ZNF385D: variants seen among roughly 807,000 people sequenced by gnomAD.
ZNF385D encodes the protein zinc finger protein 385D.
In ZNF385D, 15 loss-of-function variants were observed where a neutral mutation model predicts 35.8. The observed-to-expected ratio is 0.42, with a 90% CI of 0.28 to 0.64. ZNF385D has a LOEUF of 0.64. Ranked by LOEUF, ZNF385D falls within the 30% of genes least tolerant of loss-of-function variation. The probability of loss-of-function intolerance (pLI) is 0.23; values close to 1 mark genes in which losing one functional copy is unlikely to be tolerated. For missense variants in ZNF385D, 474 were observed against 494.6 expected (o/e 0.96, Z 0.39); for synonymous variants, 212 against 186.8 (o/e 1.13, Z -1.10).
chr3:22,304,409 A>T (rs1363635773), intron 2 of ZNF385D, among the ~76,000 whole-genome samples: 1 of 152,110 alleles, frequency 6.6e-6, no homozygotes, highest in African/African-American at 2.4e-5. Flanking sequence ...TGCAAATTTT[A>T]TTTTTTGCTA....
intron 2 of ZNF385D, among the ~76,000 whole-genome samples, chr3:21,651,992 GAAC>G (rs1239880705): frequency 6.6e-6 from 1 of 152,126 alleles, no homozygotes; most frequent in Non-Finnish European, 1.5e-5. Flanking sequence ...ATGCCAGTTA[GAAC>G]ATCATCTCAA....
At chr3:22,000,410 T>C (rs1011881206) in intron 3 of ZNF385D, among the ~76,000 whole-genome samples, 1 of 152,120 alleles carries the variant, frequency 6.6e-6, no homozygotes, top group Non-Finnish European at 1.5e-5. Context: ...AGTTTACAAA[T>C]GCCATGGCAA....
rs535124236 is a variant in ZNF385D, at chr3:22,082,252, G to A, written c.325+86565C>T. On this transcript the variant is annotated intron_variant, in intron 3 of 5. Coordinates refer to the ZNF385D transcript ENST00000494108. ...GTGAGCTGAAGCAGGGCAGGGCATC[G>A]CCTCACCCAGTAAGTGCAAGGGGTC... is the stretch of plus-strand genomic sequence containing the variant. Among the ~76,000 whole-genome samples the A allele has an allele frequency of 6.4e-4, 97 of 152,170 alleles. 1 individual carries two copies. The highest frequency in any genetic ancestry group is 2.1e-3 in the African/African-American group (87 of 41,534).
At chr3:21,764,597 G>T (rs1272042994) in intron 3 of ZNF385D, among the ~76,000 whole-genome samples, 1 of 152,130 alleles carries the variant, frequency 6.6e-6, no homozygotes, top group Non-Finnish European at 1.5e-5. Flanking sequence ...TGTCTAGTTG[G>T]AAATCACCAA....
At chr3:22,151,625 T>G (rs752818127) in intron 3 of ZNF385D, among the ~76,000 whole-genome samples, 1 of 152,114 alleles carries the variant, frequency 6.6e-6, no homozygotes, top group Non-Finnish European at 1.5e-5. Flanking sequence ...CAGTGTTTGC[T>G]CTATTAAGGA....
intron 1 of ZNF385D, among the ~76,000 whole-genome samples, chr3:21,704,516 A>G (rs193081297): frequency 6.6e-6 from 1 of 151,620 alleles, no homozygotes; most frequent in Admixed American, 6.6e-5. Context: ...TATTTTATTT[A>G]TTTATTTATT....
chr3:22,205,087 C>T (rs1191960267), intron 2 of ZNF385D, among the ~76,000 whole-genome samples: 8 of 150,676 alleles, frequency 5.3e-5, no homozygotes, highest in African/African-American at 1.9e-4. Flanking sequence ...CTCCCAAGGT[C>T]AAGAATAAGG....
intron 3 of ZNF385D, among the ~76,000 whole-genome samples, chr3:21,946,624 G>C (rs1057392142): frequency 6.6e-6 from 1 of 152,090 alleles, no homozygotes; most frequent in Non-Finnish European, 1.5e-5. Flanking sequence ...TTGAGCTCAG[G>C]AGTTGGAGAC....
intron 3 of ZNF385D, among the ~76,000 whole-genome samples, chr3:21,842,715 C>T (rs997060318): frequency 1.4e-4 from 22 of 152,050 alleles, no homozygotes; most frequent in African/African-American, 4.8e-4. Flanking sequence ...CAATCCATCA[C>T]CTTTTGAATG....
intron 2 of ZNF385D, among the ~76,000 whole-genome samples, chr3:21,582,442 A>C (rs2063694261): frequency 6.6e-6 from 1 of 152,204 alleles, no homozygotes; most frequent in African/African-American, 2.4e-5. Flanking sequence ...TTGCTAAAGC[A>C]CTAGTTCTCT....
intron 3 of ZNF385D, among the ~76,000 whole-genome samples, chr3:21,559,131 CTG>C (rs1434746088): frequency 6.6e-6 from 1 of 152,018 alleles, no homozygotes; most frequent in African/African-American, 2.4e-5. Context: ...ATTTGCCAGT[CTG>C]TGTCTTTTAA....
intron 1 of ZNF385D, among the ~76,000 whole-genome samples, chr3:21,729,678 G>A (rs1318070771): frequency 6.6e-6 from 1 of 152,146 alleles, no homozygotes; most frequent in African/African-American, 2.4e-5. Context: ...AAGAAAATGA[G>A]AGGTTTAGAA....
At chr3:21,812,248 T>C (rs1411959478) in intron 3 of ZNF385D, among the ~76,000 whole-genome samples, 2 of 152,228 alleles carry the variant, frequency 1.3e-5, no homozygotes, top group African/African-American at 4.8e-5. Context: ...GATGGTCGAA[T>C]AGGAACAGCT....
intron 2 of ZNF385D, among the ~76,000 whole-genome samples, chr3:22,230,613 C>T (rs1251376545): frequency 2.6e-5 from 4 of 152,148 alleles, no homozygotes; most frequent in African/African-American, 7.2e-5. Flanking sequence ...TCACATCAAC[C>T]CCTAAATTCA....
intron 3 of ZNF385D, among the ~76,000 whole-genome samples, chr3:22,164,216 CTTTTTTTTTTTTTTTTT>C (rs571978176): frequency 2.7e-5 from 2 of 74,950 alleles, no homozygotes; most frequent in Admixed American, 1.7e-4. Flanking sequence ...AAAAGGAGCA[CTTTTTTTTTTTTTTTTT>C]TTTTTTTTTT....
chr3:21,458,751 T>C (rs913726487), intron 4 of ZNF385D, among the ~76,000 whole-genome samples: 3 of 138,484 alleles, frequency 2.2e-5, no homozygotes, highest in Admixed American at 8.3e-5. Context: ...ATAGGCAAAT[T>C]TGGAGAGACA....
chr3:22,321,941 C>T (rs757743419), intron 2 of ZNF385D, among the ~76,000 whole-genome samples: 7 of 151,992 alleles, frequency 4.6e-5, no homozygotes, highest in Non-Finnish European at 1.0e-4. Context: ...ATTTATACTG[C>T]TATTGTTAAT....
At chr3:21,451,096 A>G (rs1416584020) in intron 4 of ZNF385D, among the ~76,000 whole-genome samples, 2 of 152,094 alleles carry the variant, frequency 1.3e-5, no homozygotes, top group Non-Finnish European at 1.5e-5. Flanking sequence ...TTATAGGGAG[A>G]GAAATTTTGT....
At chr3:22,035,316 T>C (rs955551531) in intron 3 of ZNF385D, among the ~76,000 whole-genome samples, 5 of 152,166 alleles carry the variant, frequency 3.3e-5, no homozygotes, top group African/African-American at 4.8e-5. Context: ...GACAGTCTTG[T>C]TCCCAGTGCC....
Sources: gnomAD v4.1 joint callset for allele counts (sites outside exome capture counted in the v4.1 genomes callset) on GRCh38, gnomAD v4.1.1 for gene constraint, MANE v1.5 for transcripts, NCBI Gene and HGNC (gene_info 2026-07-23, HGNC 2026-07-21) for gene names.